Variants in SLC18A1 observed in about 807,000 individuals in gnomAD.
SLC18A1 encodes the protein solute carrier family 18 member A1, also known as chromaffin granule amine transporter.
In SLC18A1, 69 loss-of-function variants were observed where a neutral mutation model predicts 53.7. The observed-to-expected ratio is 1.28, with a 90% confidence interval of 1.06 to 1.57. The LOEUF (loss-of-function observed/expected upper bound fraction) is 1.57, where lower values mean the gene tolerates loss of function less well. Among genes scored for constraint, SLC18A1 ranks in the 40% most tolerant of loss-of-function variants. The pLI is 0.00. For synonymous variants in SLC18A1, 320 were observed against 248.1 expected, an observed-to-expected ratio of 1.29 and a Z score of -2.72; for missense variants, 932 against 668.1, an observed-to-expected ratio of 1.40 and a Z score of -4.35.
At chr8:20,169,202 C>G (rs1167194943) in intron 8 of SLC18A1, among the ~76,000 whole-genome samples, 1 of 152,012 alleles carries the variant, frequency 6.6e-6, no homozygotes, top group Non-Finnish European at 1.5e-5. Flanking sequence ...TAGGAATACC[C>G]TATAGATAAT....
At chr8:20,173,567 G>A (rs1022143104) in intron 5 of SLC18A1, among the ~76,000 whole-genome samples, 10 of 152,216 alleles carry the variant, frequency 6.6e-5, no homozygotes, top group African/African-American at 1.9e-4. Context: ...GGCTAGTGCT[G>A]TACGGCAGCT....
intron 4 of SLC18A1, among the ~76,000 whole-genome samples, chr8:20,176,644 C>A (rs1311779190): frequency 2.0e-5 from 3 of 152,124 alleles, no homozygotes; most frequent in Non-Finnish European, 4.4e-5. Flanking sequence ...CGGGCATCAA[C>A]AATCTCTTTT....
chr8:20,182,010 T>G (rs370118906), intron 1 of SLC18A1: 44 of 152,246 alleles, frequency 2.9e-4, no homozygotes, highest in African/African-American at 1.0e-3. Context: ...TTTCATATCA[T>G]TAGTCAGCAT....
intron 10 of SLC18A1, among the ~76,000 whole-genome samples, chr8:20,160,671 T>A (rs890565706): frequency 6.6e-6 from 1 of 152,184 alleles, no homozygotes; most frequent in Non-Finnish European, 1.5e-5. Flanking sequence ...ATTAAAAAAC[T>A]GAAGTTGGTC....
At position 20,164,975 on chromosome 8, in the gene SLC18A1, T is replaced by A. The variant is rs17092126; in HGVS notation, c.920-11A>T. On this transcript the variant is annotated splice_polypyrimidine_tract_variant and intron_variant, in intron 9 of 15. Coordinates refer to ENST00000276373, the MANE Select transcript of SLC18A1 (RefSeq NM_003053.4). Reference sequence around the variant, plus strand: ...CAAAGCAGATGGACCCTGGGGAGACTGTTCTGTGAGCAGCCGTGGCTGCTT... The same window carrying A: ...CAAAGCAGATGGACCCTGGGGAGACAGTTCTGTGAGCAGCCGTGGCTGCTT... 0.15 allele frequency: 246,429 copies of A among 1,613,704 alleles called. 20,250 individuals are homozygous for A. Among genetic ancestry groups the A allele is most frequent in the East Asian group, 0.19 (8,504 of 44,866 alleles).
chr8:20,151,698 G>T (rs2071559808), intron 10 of SLC18A1, among the ~76,000 whole-genome samples: 1 of 152,188 alleles, frequency 6.6e-6, no homozygotes, highest in African/African-American at 2.4e-5. Flanking sequence ...GGGCTTTGGA[G>T]CCACACAAAG....
intron 2 of SLC18A1, among the ~76,000 whole-genome samples, chr8:20,180,105 T>C (rs932911541): frequency 3.0e-5 from 4 of 131,770 alleles, no homozygotes; most frequent in Non-Finnish European, 6.3e-5. Context: ...TTTAAGATTA[T>C]AATTGTGTGT....
chr8:20,147,140 G>T, intron 15 of SLC18A1, 118 bp downstream of exon 15: 1 of 1,082,088 alleles, frequency 9.2e-7, no homozygotes, highest in Non-Finnish European at 1.3e-6. Context: ...TGGCAAAGCA[G>T]AGAGAGTATC....
intron 8 of SLC18A1, 76 bp from the exon 9 acceptor site, chr8:20,165,183 G>A (rs3779670): frequency 0.34 from 437,731 of 1,298,722 alleles, 78,024 homozygotes; most frequent in Non-Finnish European, 0.37. Flanking sequence ...ATCTGAGAAA[G>A]TACAATTATG....
rs758647054 is a variant in SLC18A1 at position 20,145,851 on chromosome 8, A to G, written c.1490T>C (p.Met497Thr). 1.9e-6 allele frequency: 3 copies of G among 1,610,712 alleles called. No homozygotes were observed. In the South Asian group the frequency reaches 3.3e-5, roughly 18 times the overall value. The change falls in exon 16 of 16, where the codon ATG becomes ACG. Residue 497 changes from methionine (M) to threonine (T), a missense_variant. Met to Thr is a moderately conservative substitution (Grantham distance 81). Transcript: ENST00000276373. ...CTGGGTTGCATACATCCGGGTCTCC[A>G]TGGGGCAGTCCTGACTCAGAATAGC... ...KLAILSQDCP[M>T]ETRMYATQKP...
intron 10 of SLC18A1, 28 bp downstream of exon 10, chr8:20,164,841 C>A: frequency 1.3e-6 from 2 of 1,562,364 alleles, no homozygotes; most frequent in Non-Finnish European, 1.7e-6. Flanking sequence ...CCTGCCAGGC[C>A]CTGAGCGGGG....
intron 10 of SLC18A1, among the ~76,000 whole-genome samples, chr8:20,159,143 C>A (rs181953104): frequency 2.6e-5 from 4 of 152,158 alleles, no homozygotes; most frequent in Non-Finnish European, 5.9e-5. Flanking sequence ...CTGGACTGGC[C>A]TGCTAGCCCA....
rs1421520035 is a variant in SLC18A1 at position 20,181,039 on chromosome 8, C to T, written c.-75G>A. On this transcript the variant is annotated 5_prime_UTR_variant, in exon 2 of 16. Transcript: ENST00000276373. ...TCCTGTGACAGCTACAGGTCTCCTG[C>T]AGCCTTTATGGAAGAGGGGAGGGAG... 2 of 1,493,944 alleles carry T rather than the reference C, an allele frequency of 1.3e-6. No individual in the cohort carries two copies. Among genetic ancestry groups the T allele is most frequent in the Non-Finnish European group, 1.8e-6 (2 of 1,111,062 alleles). 92.5% of individuals were successfully genotyped at this position (1,493,944 alleles called of 1,614,324 possible). A position where few individuals can be genotyped will look rare whatever the true frequency, so the allele number is the denominator to read the frequency against.
In SLC18A1 at chr8:20,172,893, C is replaced by CT. The variant is rs762515706; in HGVS notation, c.724+142dup. The stretch of plus-strand genomic sequence containing the variant: ...CTTCTTAAGGAGAAGGAAATTTAAC[C>CT]TTTTCTCAGTGATATTTCTAAAGGA... On this transcript the variant is annotated intron_variant, in intron 6 of 15. Coordinates refer to ENST00000276373, the MANE Select transcript of SLC18A1 (RefSeq NM_003053.4). 186 of 651,658 alleles carry CT rather than the reference C, an allele frequency of 2.9e-4. 1 individual carries two copies. The highest frequency in any genetic ancestry group is 4.1e-4 in the Non-Finnish European group (154 of 371,382). 40.4% of individuals were successfully genotyped at this position (651,658 alleles called of 1,614,324 possible).
intron 14 of SLC18A1, 84 bp downstream of exon 14, chr8:20,147,519 C>A: frequency 1.3e-6 from 2 of 1,596,108 alleles, no homozygotes; most frequent in African/African-American, 1.3e-5. Flanking sequence ...TCTCCAGAAC[C>A]CTAGGAGGAT....
At position 20,174,438 on chromosome 8, in the gene SLC18A1, G is replaced by T. The variant is rs1319111539; in HGVS notation, c.554C>A (p.Ala185Asp). 3.7e-6 allele frequency: 6 copies of T among 1,612,988 alleles called. No individual in the cohort carries two copies. The highest frequency in any genetic ancestry group is 3.3e-5 in the Admixed American group (2 of 59,966). Residue 185 changes from alanine (A) to aspartate (D), a missense_variant, in exon 5 of 16, where the codon GCT (alanine) becomes GAT (aspartate). Ala to Asp is a moderately radical substitution (Grantham distance 126). Coordinates refer to ENST00000276373, the MANE Select transcript of SLC18A1 (RefSeq NM_003053.4). ...VIMFLSTVMF[A>D]FSGTYTLLFV... Reference sequence around the variant, plus strand: ...GAGTAGAGTATAGGTCCCAGAAAAAGCAAACACTGGGCAGAGAGAATAGCA... The same window carrying T: ...GAGTAGAGTATAGGTCCCAGAAAAATCAAACACTGGGCAGAGAGAATAGCA...
rs2128880558 is a variant in SLC18A1, at chr8:20,179,344, T to C, written c.265A>G (p.Thr89Ala). 1.9e-6 allele frequency: 3 copies of C among 1,613,310 alleles called. No homozygotes were observed. Among genetic ancestry groups the C allele is most frequent in the South Asian group, 2.2e-5 (2 of 91,014 alleles). The change falls in exon 3 of 16, where the codon ACC (threonine) becomes GCC (alanine). Residue 89 changes from threonine to alanine, a missense_variant. Thr to Ala is a moderately conservative substitution (Grantham distance 58, BLOSUM62 0). Coordinates refer to ENST00000276373, the MANE Select transcript of SLC18A1 (RefSeq NM_003053.4). ...STIFSFFNNN[T>A]VAVEESVPSG... ...GGTACGCTTTCTTCAACAGCCACGGTGTTGTTGTTGAAGAAGGAGAAGATG... is the reference window on the plus strand; with the variant it reads ...GGTACGCTTTCTTCAACAGCCACGGCGTTGTTGTTGAAGAAGGAGAAGATG...
chr8:20,171,724 ATGTG>A (rs369186699), intron 6 of SLC18A1, among the ~76,000 whole-genome samples: 1 of 149,556 alleles, frequency 6.7e-6, no homozygotes, highest in Non-Finnish European at 1.5e-5. Flanking sequence ...GTGTGTATGT[ATGTG>A]TGTGTGTGTG....
chr8:20,169,218 C>G (rs543375901), intron 8 of SLC18A1, among the ~76,000 whole-genome samples: 1 of 152,078 alleles, frequency 6.6e-6, no homozygotes, highest in East Asian at 1.9e-4. Flanking sequence ...ATAATTGTCA[C>G]AAATGTCAAT....
Sources: gnomAD v4.1 joint callset for allele counts (sites outside exome capture counted in the v4.1 genomes callset) on GRCh38, gnomAD v4.1.1 for gene constraint, MANE v1.5 for transcripts, NCBI Gene and HGNC (gene_info 2026-07-23, HGNC 2026-07-21) for gene names.